GUCY1B1: variants seen among roughly 807,000 people sequenced by gnomAD.
GUCY1B1 encodes the protein guanylate cyclase soluble subunit beta-1.
In GUCY1B1, 43 loss-of-function variants were observed where a neutral mutation model predicts 71.0. That is an observed-to-expected ratio of 0.61 (90% CI 0.47 to 0.78). GUCY1B1 has a LOEUF of 0.78. GUCY1B1 is among the 30% of genes least tolerant of loss of function. The probability of loss-of-function intolerance (pLI) is 0.00; values close to 1 mark genes in which losing one functional copy is unlikely to be tolerated. For missense variants in GUCY1B1, 535 were observed against 754.1 expected (o/e 0.71, Z 3.40); for synonymous variants, 266 against 259.7 (o/e 1.02, Z -0.23).
intron 2 of GUCY1B1, among the ~76,000 whole-genome samples, chr4:155,773,939 C>T (rs1485513959): frequency 6.6e-6 from 1 of 152,012 alleles, no homozygotes; most frequent in Admixed American, 6.6e-5. Context: ...TGTCAGTCCC[C>T]GCCTCCCAAA....
At chr4:155,795,593 A>G in intron 7 of GUCY1B1, 136 bp downstream of exon 7, 1 of 534,254 alleles carries the variant, frequency 1.9e-6, no homozygotes, top group Admixed American at 3.5e-5. Context: ...TCTATTTAAA[A>G]GGCAATAACA....
intron 6 of GUCY1B1, among the ~76,000 whole-genome samples, chr4:155,794,409 A>C (rs1739396081): frequency 6.6e-6 from 1 of 152,188 alleles, no homozygotes; most frequent in South Asian, 2.1e-4. Context: ...TCACTGAATA[A>C]ATATTCATTG....
chr4:155,792,771 G>A (rs1250950466), intron 5 of GUCY1B1, among the ~76,000 whole-genome samples: 1 of 152,046 alleles, frequency 6.6e-6, no homozygotes, highest in East Asian at 1.9e-4. Flanking sequence ...TTGTAAGAGG[G>A]CTCATTGCTT....
At chr4:155,803,872 G>C in intron 11 of GUCY1B1, 108 bp downstream of exon 11, 1 of 628,268 alleles carries the variant, frequency 1.6e-6, no homozygotes, top group Non-Finnish European at 2.6e-6. Context: ...AGGGCATCTT[G>C]ACAACAAAGA....
Position 155,802,293 on chromosome 4 carries a change from G to A in GUCY1B1, c.1176-49G>A, listed in dbSNP as rs752139109. 4 of 1,609,756 alleles carry A rather than the reference G, an allele frequency of 2.5e-6. No individual in the cohort carries two copies. Among genetic ancestry groups the A allele is most frequent in the Middle Eastern group, 3.3e-4 (2 of 6,078 alleles). On this transcript the variant is annotated intron_variant, in intron 9 of 13. Transcript: ENST00000264424. The surrounding 1 kb of genome is among the most constrained non-coding windows in gnomAD (Gnocchi z 4.3). ...GAAAAGGACAGCAGAAGCACTAAAG[G>A]CTTTCCCAGTATTTCTTACAGTGGC...
chr4:155,797,416 A>C (rs538808307), intron 8 of GUCY1B1, among the ~76,000 whole-genome samples: 4 of 152,292 alleles, frequency 2.6e-5, no homozygotes, highest in African/African-American at 9.6e-5. Context: ...TGTATTATAC[A>C]TTACATAACA....
chr4:155,791,087 A>G (rs963286583), intron 5 of GUCY1B1, among the ~76,000 whole-genome samples: 2 of 152,022 alleles, frequency 1.3e-5, no homozygotes, highest in African/African-American at 4.8e-5. Flanking sequence ...ACTGGTATTC[A>G]ATCAAAATAG....
intron 5 of GUCY1B1, among the ~76,000 whole-genome samples, chr4:155,792,059 G>T (rs1316322596): frequency 6.6e-6 from 1 of 152,042 alleles, no homozygotes; most frequent in Non-Finnish European, 1.5e-5. Context: ...ATTTATTCAA[G>T]TGCTTCAATA....
chr4:155,804,193 T>TA (rs1343304103), intron 11 of GUCY1B1, among the ~76,000 whole-genome samples: 4 of 152,170 alleles, frequency 2.6e-5, no homozygotes, highest in Non-Finnish European at 5.9e-5. Context: ...AGACATCTCT[T>TA]ACGATGTTAT....
intron 2 of GUCY1B1, among the ~76,000 whole-genome samples, chr4:155,773,443 C>T (rs537062040): frequency 6.6e-6 from 1 of 152,298 alleles, no homozygotes; most frequent in East Asian, 1.9e-4. Flanking sequence ...TTTTCTTTCA[C>T]TAGTACTGTG....
chr4:155,762,080 G>A (rs78289354), intron 2 of GUCY1B1, among the ~76,000 whole-genome samples: 2,388 of 152,242 alleles, frequency 0.016, 60 homozygotes, highest in African/African-American at 0.053. Context: ...GCTGCTCCTT[G>A]GTTTCCAACC....
In GUCY1B1 at chr4:155,796,476, G is replaced by C; in HGVS notation, c.943G>C (p.Glu315Gln). 6.2e-7 allele frequency: 1 copy of C among 1,609,918 alleles called. No individual in the cohort carries two copies. Among genetic ancestry groups the C allele is most frequent in the South Asian group, 1.1e-5 (1 of 90,986 alleles). Reference protein sequence around the residue: ...RLKGQMIYLPEADSILFLCSP... With the variant: ...RLKGQMIYLPQADSILFLCSP... ...CAAGGGTCAAATGATCTACTTACCT[G>C]AAGCAGATAGCATACTTTTTCTATG... Residue 315 changes from glutamate to glutamine, a missense_variant, in exon 8 of 14, where the codon GAA (glutamate) becomes CAA (glutamine). By Grantham distance (29) the Glu-to-Gln change is conservative. Coordinates refer to ENST00000264424, the MANE Select transcript of GUCY1B1 (RefSeq NM_000857.5).
intron 4 of GUCY1B1, chr4:155,785,263 G>A: frequency 7.2e-7 from 1 of 1,382,448 alleles, no homozygotes; most frequent in South Asian, 1.2e-5. Context: ...ATGAAGCCTA[G>A]AAGAATGAAT....
chr4:155,804,351 G>A (rs538083221), intron 11 of GUCY1B1, among the ~76,000 whole-genome samples: 2 of 152,076 alleles, frequency 1.3e-5, no homozygotes, highest in South Asian at 2.1e-4. Context: ...ATCACACACC[G>A]GGACCTGTTG....
At chr4:155,760,039 G>A (rs1736872323) in intron 2 of GUCY1B1, among the ~76,000 whole-genome samples, 179 bp downstream of exon 2, 1 of 152,080 alleles carries the variant, frequency 6.6e-6, no homozygotes, top group South Asian at 2.1e-4. Context: ...CTGGAACCAG[G>A]AGGGGAGGGG....
chr4:155,800,869 A>G (rs551224023), intron 9 of GUCY1B1, among the ~76,000 whole-genome samples: 1 of 152,286 alleles, frequency 6.6e-6, no homozygotes, highest in East Asian at 1.9e-4. Flanking sequence ...CTTAGGACTA[A>G]CGTTCAAAGT....
intron 5 of GUCY1B1, among the ~76,000 whole-genome samples, chr4:155,790,845 C>T (rs1346449578): frequency 2.6e-5 from 4 of 152,042 alleles, no homozygotes; most frequent in Non-Finnish European, 4.4e-5. Flanking sequence ...TGTTAGAGTT[C>T]ATGGTTTTCT....
At chr4:155,759,918 C>G (rs1736854623) in intron 2 of GUCY1B1, 58 bp downstream of exon 2, 2 of 1,257,638 alleles carry the variant, frequency 1.6e-6, no homozygotes, top group Middle Eastern at 2.0e-4. Context: ...GGGAGGCCCC[C>G]CGCGCCTCGC....
Position 155,789,586 on chromosome 4 carries a change from C to T in GUCY1B1, c.298-128C>T, listed in dbSNP as rs1187131341. On this transcript the variant is annotated intron_variant, in intron 4 of 13. Transcript: ENST00000264424. Reference sequence around the variant, plus strand: ...ATATCTCAGTGGAGTGAAGGATGTGCTACATGTGCTGCTTCGCTGATCTGC... The same window carrying T: ...ATATCTCAGTGGAGTGAAGGATGTGTTACATGTGCTGCTTCGCTGATCTGC... The T allele has an allele frequency of 2.0e-5, 11 of 562,040 alleles. No individual in the cohort carries two copies. In the Middle Eastern group the frequency reaches 1.4e-3, roughly 71 times the overall value. 34.8% of individuals were successfully genotyped at this position (562,040 alleles called of 1,614,324 possible). A position where few individuals can be genotyped will look rare whatever the true frequency, so the allele number is the denominator to read the frequency against.
Sources: gnomAD v4.1 joint callset for allele counts (sites outside exome capture counted in the v4.1 genomes callset) on GRCh38, gnomAD v4.1.1 for gene constraint, Gnocchi (gnomAD v3.1) non-coding constraint, MANE v1.5 for transcripts, NCBI Gene and HGNC (gene_info 2026-07-23, HGNC 2026-07-21) for gene names.